Variants in HPS4 observed in about 807,000 individuals in gnomAD.
HPS4 encodes HPS4 biogenesis of lysosomal organelles complex 3 subunit 2.
In HPS4, 44 loss-of-function variants were observed where a neutral mutation model predicts 70.3. The observed-to-expected ratio is 0.63, with a 90% CI of 0.49 to 0.80. The LOEUF (loss-of-function observed/expected upper bound fraction) is 0.80, where lower values mean the gene tolerates loss of function less well. Ranked by LOEUF, HPS4 falls within the 30% of genes least tolerant of loss-of-function variation. The probability of loss-of-function intolerance (pLI) is 0.00; values close to 1 mark genes in which losing one functional copy is unlikely to be tolerated. For synonymous variants in HPS4, 377 were observed against 355.9 expected (o/e 1.06, Z -0.67); for missense variants, 873 against 884.4 (o/e 0.99, Z 0.16).
chr22:26,465,991 T>A (rs2097557), intron 9 of HPS4: 13 of 1,363,038 alleles, frequency 9.5e-6, no homozygotes, highest in Middle Eastern at 1.8e-4. Flanking sequence ...TCTCACAATA[T>A]GAAGTTAAGG....
chr22:26,468,750 T>C (rs1187527659), intron 7 of HPS4, 127 bp from the exon 8 acceptor site: 5 of 816,106 alleles, frequency 6.1e-6, no homozygotes, highest in African/African-American at 5.1e-5. Flanking sequence ...GAGTTTCAAC[T>C]GGTAAAACCC....
chr22:26,463,761 T>C (rs2087817048), intron 11 of HPS4, among the ~76,000 whole-genome samples, 156 bp downstream of exon 11: 1 of 152,250 alleles, frequency 6.6e-6, no homozygotes, highest in Admixed American at 6.5e-5. Flanking sequence ...AGGCAGGTAA[T>C]ACCTCCATCG....
chr22:26,479,547 A>T, intron 2 of HPS4, 192 bp from the exon 3 acceptor site: 1 of 1,421,266 alleles, frequency 7.0e-7, no homozygotes, highest in Non-Finnish European at 9.2e-7. Context: ...GGAAATTCAA[A>T]CTAAAAATAT....
rs2085141135 is a variant in HPS4, at chr22:26,450,972, T to C, written c.*2261A>G. Among the ~76,000 whole-genome samples, 1 of 152,202 alleles carries C rather than the reference T, an allele frequency of 6.6e-6. No homozygotes were observed. On this transcript the variant is annotated 3_prime_UTR_variant, in exon 14 of 14. Transcript: ENST00000398145. ...CCACTATTAATCACTCATGCGACCT[T>C]TATCCTTACAGTTCACAGGTGGCAG...
intron 13 of HPS4, among the ~76,000 whole-genome samples, chr22:26,457,210 C>CCTT (rs386395106): frequency 0.074 from 1,903 of 25,546 alleles, 302 homozygotes; most frequent in Non-Finnish European, 0.14. Flanking sequence ...GCACGTATTA[C>CCTT]TTTTTTTTTT....
At chr22:26,471,984 G>A (rs945504030) in intron 6 of HPS4, among the ~76,000 whole-genome samples, 2 of 152,238 alleles carry the variant, frequency 1.3e-5, no homozygotes, top group African/African-American at 4.8e-5. Context: ...AATATCAAGA[G>A]AGGCGGCCTT....
intron 6 of HPS4, chr22:26,471,226 T>C: frequency 2.5e-6 from 1 of 396,476 alleles, no homozygotes; most frequent in Non-Finnish European, 5.0e-6. Context: ...ATCCTCCACT[T>C]TCCTTCTGAA....
intron 8 of HPS4, chr22:26,467,638 C>A (rs2146659061): frequency 1.3e-5 from 2 of 152,270 alleles, no homozygotes; most frequent in South Asian, 4.1e-4. Flanking sequence ...CTGAATAGAG[C>A]CCTACCAGCA....
intron 12 of HPS4, 28 bp downstream of exon 12, chr22:26,458,417 C>T (rs372420536): frequency 3.7e-5 from 59 of 1,613,880 alleles, no homozygotes; most frequent in South Asian, 5.5e-5. Flanking sequence ...GCATCCCCGT[C>T]GCCCCAGGCC....
chr22:26,465,624 G>T, intron 9 of HPS4, 73 bp from the exon 10 acceptor site: 1 of 1,223,080 alleles, frequency 8.2e-7, no homozygotes, highest in Non-Finnish European at 1.2e-6. Flanking sequence ...AGCTGCACTG[G>T]CGTGATGCAT....
At chr22:26,471,711 C>T (rs2089835377) in intron 6 of HPS4, among the ~76,000 whole-genome samples, 1 of 152,170 alleles carries the variant, frequency 6.6e-6, no homozygotes, top group Non-Finnish European at 1.5e-5. Flanking sequence ...ACCCCTGCTA[C>T]AGGGACATTA....
At chr22:26,447,283 TGA>T (rs563310528), downstream of HPS4, among the ~76,000 whole-genome samples, 1 of 152,172 alleles carries the variant, frequency 6.6e-6, no homozygotes, top group Non-Finnish European at 1.5e-5. Flanking sequence ...GGAAAGAAGC[TGA>T]GAGAGAAACC....
Position 26,468,610 on chromosome 22 carries a change from G to C in HPS4, c.610C>G (p.Gln204Glu). 1 of 1,614,084 alleles carries C rather than the reference G, an allele frequency of 6.2e-7. No individual in the cohort carries two copies. Among genetic ancestry groups the C allele is most frequent in the Non-Finnish European group, 8.5e-7 (1 of 1,179,974 alleles). The change falls in exon 8 of 14, where the codon CAA becomes GAA. Residue 204 changes from glutamine (Q) to glutamate (E), a missense_variant. Physicochemically the swap from Gln to Glu is conservative, Grantham distance 29 (BLOSUM62 2). Coordinates refer to ENST00000398145, the MANE Select transcript of HPS4 (RefSeq NM_022081.6). ...TTGGCGGTGAGGGAGGGCGGGAGTTGGGTGCTGACAATCCTAGGAGGTCAC... is the reference window on the plus strand; with the variant it reads ...TTGGCGGTGAGGGAGGGCGGGAGTTCGGTGCTGACAATCCTAGGAGGTCAC... Reference protein sequence around the residue: ...ILYKGLIVSTQLPPSLTAKVL... With the variant: ...ILYKGLIVSTELPPSLTAKVL...
intron 3 of HPS4, 147 bp downstream of exon 3, chr22:26,479,118 A>C: frequency 1.3e-6 from 1 of 798,724 alleles, no homozygotes; most frequent in Non-Finnish European, 2.1e-6. Flanking sequence ...CCAGAACAAC[A>C]AGAAATAGTA....
At chr22:26,449,684 G>A (rs1175424049), downstream of HPS4, among the ~76,000 whole-genome samples, 1 of 152,134 alleles carries the variant, frequency 6.6e-6, no homozygotes, top group South Asian at 2.1e-4. Flanking sequence ...ACCTCATGTG[G>A]GGCCCCAGCT....
At chr22:26,454,922 G>T (rs1476193912) in intron 13 of HPS4, among the ~76,000 whole-genome samples, 3 of 151,938 alleles carry the variant, frequency 2.0e-5, no homozygotes, top group African/African-American at 7.3e-5. Context: ...GTGGGCGAAG[G>T]ATATGAACAG....
At chr22:26,457,217 T>C (rs1601814633) in intron 13 of HPS4, among the ~76,000 whole-genome samples, 3 of 148,226 alleles carry the variant, frequency 2.0e-5, no homozygotes, top group East Asian at 2.0e-4. Flanking sequence ...TTACTTTTTT[T>C]TTTTTTTTTT....
At chr22:26,450,509 G>C (rs917193418), downstream of HPS4, among the ~76,000 whole-genome samples, 1 of 152,268 alleles carries the variant, frequency 6.6e-6, no homozygotes, top group Non-Finnish European at 1.5e-5. Context: ...CTTCCCTCCA[G>C]GGGAGGAGAC....
intron 3 of HPS4, 120 bp downstream of exon 3, chr22:26,479,145 A>G: frequency 1.1e-6 from 1 of 942,926 alleles, no homozygotes; most frequent in Non-Finnish European, 1.7e-6. Context: ...AGAATAAGAC[A>G]GTAGAAATGT....
Sources: gnomAD v4.1 joint callset for allele counts (sites outside exome capture counted in the v4.1 genomes callset) on GRCh38, gnomAD v4.1.1 for gene constraint, MANE v1.5 for transcripts, NCBI Gene and HGNC (gene_info 2026-07-23, HGNC 2026-07-21) for gene names.